Variants in PRKN observed in about 807,000 individuals in gnomAD.
The protein encoded by PRKN is parkin RBR E3 ubiquitin protein ligase.
A neutral mutation model predicts 59.5 loss-of-function variants in PRKN; 56 were observed. The observed-to-expected ratio is 0.94, with a 90% CI of 0.76 to 1.18. The LOEUF (loss-of-function observed/expected upper bound fraction) is 1.18, where lower values mean the gene tolerates loss of function less well. PRKN is among the 50% of genes most tolerant of loss of function. The pLI is 0.00. For missense variants in PRKN, 657 were observed against 596.4 expected (o/e 1.10, Z -1.06); for synonymous variants, 250 against 222.1 (o/e 1.13, Z -1.12).
At chr6:162,174,027 C>A (rs1213919702) in intron 4 of PRKN, among the ~76,000 whole-genome samples, 1 of 152,076 alleles carries the variant, frequency 6.6e-6, no homozygotes, top group Non-Finnish European at 1.5e-5. Flanking sequence ...TATGCGTAAT[C>A]TTTGTAATTT....
At chr6:161,622,907 G>T (rs1782958001) in intron 7 of PRKN, among the ~76,000 whole-genome samples, 1 of 152,168 alleles carries the variant, frequency 6.6e-6, no homozygotes, top group South Asian at 2.1e-4. Context: ...TCAAACCTAT[G>T]CAGTTTGGAA....
chr6:162,455,363 T>C (rs557435091), intron 1 of PRKN, among the ~76,000 whole-genome samples: 2 of 152,320 alleles, frequency 1.3e-5, no homozygotes, highest in East Asian at 1.9e-4. Context: ...TGTGCAAACA[T>C]CATGGAGTGT....
At chr6:162,561,352 G>T (rs965769529) in intron 1 of PRKN, among the ~76,000 whole-genome samples, 3 of 152,004 alleles carry the variant, frequency 2.0e-5, no homozygotes. Flanking sequence ...GAAAGCCAAT[G>T]ACTATCTAGT....
chr6:162,113,522 G>T (rs1473178392), intron 4 of PRKN, among the ~76,000 whole-genome samples: 2 of 152,016 alleles, frequency 1.3e-5, no homozygotes, highest in African/African-American at 4.8e-5. Flanking sequence ...GAAGGGAGAG[G>T]GATATGTAGT....
At chr6:161,616,727 C>A (rs1562561809) in intron 7 of PRKN, among the ~76,000 whole-genome samples, 1 of 152,120 alleles carries the variant, frequency 6.6e-6, no homozygotes, top group Non-Finnish European at 1.5e-5. Context: ...CATGTCCCTG[C>A]AAAGGACATG....
At chr6:161,829,949 G>T (rs1190044079) in intron 6 of PRKN, among the ~76,000 whole-genome samples, 6 of 151,814 alleles carry the variant, frequency 4.0e-5, no homozygotes, top group African/African-American at 1.5e-4. Flanking sequence ...TCTGCCTCTC[G>T]CCAAGTCCGT....
At chr6:161,469,207 C>T (rs930843440) in intron 9 of PRKN, among the ~76,000 whole-genome samples, 2 of 152,102 alleles carry the variant, frequency 1.3e-5, no homozygotes, top group South Asian at 2.1e-4. Context: ...GGGGTGGTAT[C>T]CCCCAGGCTG....
intron 1 of PRKN, among the ~76,000 whole-genome samples, chr6:162,718,824 G>A (rs914586013): frequency 7.9e-5 from 12 of 152,148 alleles, no homozygotes; most frequent in African/African-American, 2.9e-4. Flanking sequence ...ACAGAGACTT[G>A]GTATAAAACT....
intron 7 of PRKN, among the ~76,000 whole-genome samples, chr6:161,654,952 G>T (rs1784283537): frequency 6.6e-6 from 1 of 152,196 alleles, no homozygotes; most frequent in Admixed American, 6.5e-5. Context: ...AGCTCCAAAG[G>T]AACAAGGGTA....
At chr6:162,582,130 G>C (rs9356052) in intron 1 of PRKN, among the ~76,000 whole-genome samples, 27,930 of 152,170 alleles carry the variant, frequency 0.18, 3,233 homozygotes, top group East Asian at 0.49. Flanking sequence ...TCTCTTTGAT[G>C]ACATTATTAA....
chr6:161,372,510 G>A lies in PRKN; in HGVS notation c.1168-12305C>T, dbSNP rs1004401192. Among the ~76,000 whole-genome samples the A allele has an allele frequency of 1.3e-5, 2 of 152,208 alleles. No individual in the cohort carries two copies. Among genetic ancestry groups the A allele is most frequent in the Non-Finnish European group, 2.9e-5 (2 of 68,042 alleles). On this transcript the variant is annotated intron_variant, in intron 10 of 11. Transcript: ENST00000366898. This position sits in a 1 kb window ranked among gnomAD's most constrained non-coding sequence, Gnocchi z 4.2. The stretch of plus-strand genomic sequence containing the variant: ...TGTGTTGGGTGTCTAAGATGTGCCA[G>A]GCACTGTCCTGGACCCTGGGGATAC...
In PRKN at chr6:161,361,306, A is replaced by G. The variant is rs1339335784; in HGVS notation, c.1168-1101T>C. ...ACTGCATTTAATAGTTTCTTTAGGA[A>G]TTAGTGTTCATGTTTCTGTTATTTC... On this transcript the variant is annotated intron_variant, in intron 10 of 11. Transcript: ENST00000366898. The surrounding 1 kb of genome is among the most constrained non-coding windows in gnomAD (Gnocchi z 5.2). Among the ~76,000 whole-genome samples the G allele has an allele frequency of 1.3e-5, 2 of 152,218 alleles. No individual in the cohort carries two copies. The highest frequency in any genetic ancestry group is 4.8e-5 in the African/African-American group (2 of 41,464).
intron 6 of PRKN, among the ~76,000 whole-genome samples, chr6:161,960,769 T>C (rs937062105): frequency 6.6e-6 from 1 of 152,126 alleles, no homozygotes; most frequent in African/African-American, 2.4e-5. Flanking sequence ...TGAAAGTCAG[T>C]CTGTGGATTT....
chr6:161,496,544 G>T (rs951413456), intron 9 of PRKN, among the ~76,000 whole-genome samples: 1 of 152,192 alleles, frequency 6.6e-6, no homozygotes, highest in African/African-American at 2.4e-5. Flanking sequence ...CATGTGCAGG[G>T]GACCTCCCCT....
intron 4 of PRKN, among the ~76,000 whole-genome samples, chr6:162,126,214 G>GTTCTCA (rs547549045): frequency 3.8e-4 from 58 of 152,154 alleles, no homozygotes; most frequent in Non-Finnish European, 7.5e-4. Flanking sequence ...GAGACACAGA[G>GTTCTCA]TTCTCATTCT....
intron 9 of PRKN, among the ~76,000 whole-genome samples, chr6:161,495,301 C>A (rs1777707853): frequency 6.6e-6 from 1 of 152,272 alleles, no homozygotes; most frequent in Middle Eastern, 3.4e-3. Flanking sequence ...GGAAGGAATC[C>A]TTAGTTGTTA....
intron 10 of PRKN, among the ~76,000 whole-genome samples, chr6:161,364,405 C>T (rs1183293052): frequency 7.0e-6 from 1 of 142,534 alleles, no homozygotes; most frequent in Admixed American, 7.4e-5. Context: ...TTGCAGTGAG[C>T]CGAGATCATA....
At chr6:162,687,097 CA>C (rs1777588624) in intron 1 of PRKN, among the ~76,000 whole-genome samples, 1 of 151,656 alleles carries the variant, frequency 6.6e-6, no homozygotes, top group African/African-American at 2.4e-5. Flanking sequence ...ATAGGAATTG[CA>C]TTGAATCTGT....
intron 7 of PRKN, among the ~76,000 whole-genome samples, chr6:161,649,673 T>A (rs1784081669): frequency 6.6e-6 from 1 of 152,200 alleles, no homozygotes; most frequent in Non-Finnish European, 1.5e-5. Flanking sequence ...AAAGAATGAA[T>A]TAAATGACTA....
Sources: gnomAD v4.1 joint callset for allele counts (sites outside exome capture counted in the v4.1 genomes callset) on GRCh38, gnomAD v4.1.1 for gene constraint, Gnocchi (gnomAD v3.1) non-coding constraint, MANE v1.5 for transcripts, NCBI Gene and HGNC (gene_info 2026-07-23, HGNC 2026-07-21) for gene names.